NIT1: variants seen among roughly 807,000 people sequenced by gnomAD.
NIT1 encodes deaminated glutathione amidase.
NIT1 carries 30 observed loss-of-function variants against 36.8 expected under a neutral mutation model. The ratio of observed to expected loss-of-function variants is 0.82; its 90% CI spans 0.61 to 1.11. The LOEUF is 1.11. NIT1 is among the 50% of genes least tolerant of loss of function. The probability of loss-of-function intolerance (pLI) is 0.00; values close to 1 mark genes in which losing one functional copy is unlikely to be tolerated. For synonymous variants in NIT1, 151 were observed against 155.6 expected, an observed-to-expected ratio of 0.97 and a Z score of 0.22; for missense variants, 438 against 410.6, an observed-to-expected ratio of 1.07 and a Z score of -0.58.
rs202107253 is a variant in NIT1, at chr1:161,119,477, A to G, written c.354-32A>G. 34 of 1,613,128 alleles carry G rather than the reference A, an allele frequency of 2.1e-5. No individual in the cohort carries two copies. In the East Asian group the frequency reaches 7.4e-4, roughly 35 times the overall value. ...TATGAGGGTAGAGCCTTGAGAAGTCAGTGAAGAGTTGTCAGTGTCCCTTCC... is the reference window on the plus strand; with the variant it reads ...TATGAGGGTAGAGCCTTGAGAAGTCGGTGAAGAGTTGTCAGTGTCCCTTCC... On this transcript the variant is annotated intron_variant, in intron 3 of 6. Coordinates refer to ENST00000368009, the MANE Select transcript of NIT1 (RefSeq NM_005600.3).
intron 4 of NIT1, 85 bp from the exon 5 acceptor site, chr1:161,119,734 C>T (rs1426045009): frequency 9.5e-6 from 15 of 1,581,804 alleles, no homozygotes; most frequent in Non-Finnish European, 1.7e-6. Flanking sequence ...ACTTCAGTTC[C>T]TAGCCTATAA....
At chr1:161,123,531 G>A (rs533202417), downstream of NIT1, among the ~76,000 whole-genome samples, 3 of 152,022 alleles carry the variant, frequency 2.0e-5, no homozygotes, top group South Asian at 2.1e-4. Flanking sequence ...AGCTACTCAG[G>A]AGGCTGAGGC....
downstream of NIT1, chr1:161,122,563 T>G (rs1655621532): frequency 1.3e-6 from 2 of 1,587,096 alleles, no homozygotes; most frequent in African/African-American, 1.4e-5. This position sits in a 1 kb window ranked among gnomAD's most constrained non-coding sequence, Gnocchi z 4.2. Flanking sequence ...GAGGTTACAG[T>G]AAGGGATGAG....
intron 1 of NIT1, chr1:161,118,584 G>T: frequency 3.9e-6 from 6 of 1,536,260 alleles, no homozygotes; most frequent in Non-Finnish European, 4.4e-6. Flanking sequence ...TATTCAGGCG[G>T]CGAGCAGAGC....
chr1:161,122,684 A>G (rs1655642056), downstream of NIT1, among the ~76,000 whole-genome samples: 3 of 152,188 alleles, frequency 2.0e-5, no homozygotes, highest in African/African-American at 7.2e-5. The surrounding 1 kb of genome is among the most constrained non-coding windows in gnomAD (Gnocchi z 4.2). Context: ...TATCTCTGAA[A>G]TCCTTGCCTG....
chr1:161,121,792 T>G (rs1557975508), downstream of NIT1: 1 of 185,228 alleles, frequency 5.4e-6, no homozygotes, highest in Non-Finnish European at 1.1e-5. Context: ...AAGCCAGAAG[T>G]ATTGATAACT....
intron 3 of NIT1, 26 bp from the exon 4 acceptor site, chr1:161,119,483 G>C: frequency 1.2e-6 from 2 of 1,613,576 alleles, no homozygotes; most frequent in Non-Finnish European, 1.7e-6. Context: ...AGTCAGTGAA[G>C]AGTTGTCAGT....
intron 1 of NIT1, 65 bp from the exon 2 acceptor site, chr1:161,118,721 C>CA: frequency 6.7e-7 from 1 of 1,492,500 alleles, no homozygotes; most frequent in South Asian, 1.1e-5. Flanking sequence ...AGAGAGAAGT[C>CA]AGAGAATCCT....
At position 161,120,760 on chromosome 1, in the gene NIT1, T is replaced by A; in HGVS notation, c.979T>A (p.Ser327Thr). The change falls in exon 7 of 7, where the codon TCT becomes ACT. Residue 327 changes from serine (S) to threonine (T), a missense_variant. Coordinates refer to ENST00000368009, the MANE Select transcript of NIT1 (RefSeq NM_005600.3). ...DLYGNLGHPL[S>T] ...CTATGGCAATCTGGGTCACCCACTG[T>A]CTTAAGACTTGACTTCTGTGAGTTT... 1 of 1,612,844 alleles carries A rather than the reference T, an allele frequency of 6.2e-7. No individual in the cohort carries two copies. The highest frequency in any genetic ancestry group is 8.5e-7 in the Non-Finnish European group (1 of 1,179,816).
chr1:161,124,359 G>A (rs12035264), downstream of NIT1: 1 of 1,614,186 alleles, frequency 6.2e-7, no homozygotes, highest in South Asian at 1.1e-5. Flanking sequence ...TGTCAGATGA[G>A]TGCCCACGAT....
intron 4 of NIT1, 83 bp downstream of exon 4, chr1:161,119,695 C>T: frequency 1.3e-6 from 2 of 1,586,700 alleles, no homozygotes; most frequent in Non-Finnish European, 1.7e-6. Context: ...ACTCTTATTT[C>T]CTTGACCCAA....
At chr1:161,122,664 T>TA (rs1655639363), downstream of NIT1, 1 of 1,121,374 alleles carries the variant, frequency 8.9e-7, no homozygotes, top group Admixed American at 2.8e-5. The surrounding 1 kb of genome is among the most constrained non-coding windows in gnomAD (Gnocchi z 4.2). Flanking sequence ...TCCCCAGGAC[T>TA]ATTTCTATGT....
chr1:161,118,910 C>T (rs770192417), intron 2 of NIT1, 29 bp downstream of exon 2: 3 of 1,534,094 alleles, frequency 2.0e-6, no homozygotes, highest in Non-Finnish European at 2.7e-6. Context: ...TCCTCAGTGC[C>T]TGGCACTTAG....
At position 161,119,961 on chromosome 1, in the gene NIT1, T is replaced by G. The variant is rs1261599284; in HGVS notation, c.591+9T>G. On this transcript the variant is annotated intron_variant, in intron 5 of 6. Transcript: ENST00000368009. The stretch of plus-strand genomic sequence containing the variant: ...GCACACCAGCAGGCAAGGTAGGAGT[T>G]GTGAAAGGATGAGGGAGGGGAACAG... 14 of 1,606,074 alleles carry G rather than the reference T, an allele frequency of 8.7e-6. No homozygotes were observed. The highest frequency in any genetic ancestry group is 1.2e-5 in the Non-Finnish European group (14 of 1,176,214).
downstream of NIT1, among the ~76,000 whole-genome samples, chr1:161,122,690 G>A (rs1655644128): frequency 6.6e-6 from 1 of 152,154 alleles, no homozygotes; most frequent in South Asian, 2.1e-4. The surrounding 1 kb of genome is among the most constrained non-coding windows in gnomAD (Gnocchi z 4.2). Context: ...TGAAATCCTT[G>A]CCTGAATGCA....
Position 161,120,134 on chromosome 1 carries a change from C to T in NIT1, c.619C>T (p.Arg207Trp), listed in dbSNP as rs758861501. 1.1e-5 allele frequency: 17 copies of T among 1,613,990 alleles called. No homozygotes were observed. The highest frequency in any genetic ancestry group is 5.3e-5 in the African/African-American group (4 of 74,882). The stretch of plus-strand genomic sequence containing the variant: ...TGGTCTAGCTGTCTGCTATGACATG[C>T]GGTTCCCTGAACTCTCTCTGGCATT... ...KIGLAVCYDMRFPELSLALAQ... is the reference protein window; with the variant it reads ...KIGLAVCYDMWFPELSLALAQ... The change falls in exon 6 of 7, where the codon CGG becomes TGG. Residue 207 changes from arginine (R) to tryptophan (W), a missense_variant. By Grantham distance (101) the Arg-to-Trp change is moderately radical. Coordinates refer to ENST00000368009, the MANE Select transcript of NIT1 (RefSeq NM_005600.3).
At chr1:161,119,775 G>C (rs1655237440) in intron 4 of NIT1, 44 bp from the exon 5 acceptor site, 1 of 1,575,080 alleles carries the variant, frequency 6.3e-7, no homozygotes, top group Admixed American at 1.8e-5. Flanking sequence ...AGTAAGCAAG[G>C]CTTCTAGAAC....
At chr1:161,122,632 A>C, downstream of NIT1, 1 of 1,352,586 alleles carries the variant, frequency 7.4e-7, no homozygotes, top group Non-Finnish European at 1.0e-6. This position sits in a 1 kb window ranked among gnomAD's most constrained non-coding sequence, Gnocchi z 4.2. Flanking sequence ...AGGGAATATC[A>C]CCTGACAGCT....
chr1:161,120,956 T>C lies in NIT1; in HGVS notation c.*191T>C. On this transcript the variant is annotated 3_prime_UTR_variant, in exon 7 of 7. Coordinates refer to ENST00000368009, the MANE Select transcript of NIT1 (RefSeq NM_005600.3). ...ACCTGAGCTTCACCTGAGGTCAGAC[T>C]GCAGTTTCAGAAAGGTGGAATTTTA... is the stretch of plus-strand genomic sequence containing the variant. 7.0e-7 allele frequency: 1 copy of C among 1,421,682 alleles called. No individual in the cohort carries two copies. The highest frequency in any genetic ancestry group is 2.5e-5 in the East Asian group (1 of 39,416). 88.1% of individuals were successfully genotyped at this position (1,421,682 alleles called of 1,614,324 possible).
Sources: allele counts gnomAD v4.1 joint callset (sites outside exome capture counted in the v4.1 genomes callset), GRCh38; gene constraint gnomAD v4.1.1; non-coding constraint Gnocchi (gnomAD v3.1); transcripts MANE v1.5; gene names NCBI Gene and HGNC (gene_info 2026-07-23, HGNC 2026-07-21).